The following GALNT13 variants were observed in gnomAD, a reference collection of about 807,000 sequenced individuals.
The protein encoded by GALNT13 is UDP-GalNAc:polypeptide N-acetylgalactosaminyltransferase 13.
A neutral mutation model predicts 64.2 loss-of-function variants in GALNT13; 28 were observed. That is an observed-to-expected ratio of 0.44 (90% confidence interval 0.32 to 0.60). GALNT13 has a LOEUF of 0.60. Among genes scored for constraint, GALNT13 ranks in the 20% least tolerant of loss-of-function variants. The pLI is 0.05. For missense variants in GALNT13, 577 were observed against 669.8 expected (o/e 0.86, Z 1.53); for synonymous variants, 214 against 224.6 (o/e 0.95, Z 0.42).
At chr2:153,763,987 G>A in the GALNT13 span, among the ~76,000 whole-genome samples, 1 of 152,180 alleles carries the variant, frequency 6.6e-6, no homozygotes, top group Non-Finnish European at 1.5e-5. Context: ...GAAGATGTGG[G>A]AAAGTTTGGA....
At chr2:153,682,575 T>C in the GALNT13 span, among the ~76,000 whole-genome samples, 1 of 151,772 alleles carries the variant, frequency 6.6e-6, no homozygotes, top group African/African-American at 2.4e-5. Flanking sequence ...GATAATGTAG[T>C]TCCTTGGAAA....
the GALNT13 span, among the ~76,000 whole-genome samples, chr2:153,459,950 G>C: frequency 6.6e-6 from 1 of 152,112 alleles, no homozygotes; most frequent in Non-Finnish European, 1.5e-5. Context: ...TCACAAAACA[G>C]CTGTATGAAA....
At chr2:154,012,350 T>C (rs956652262) in intron 3 of GALNT13, among the ~76,000 whole-genome samples, 3 of 152,174 alleles carry the variant, frequency 2.0e-5, no homozygotes, top group Admixed American at 2.0e-4. Context: ...GGATCTGAAA[T>C]TTTTGGTTGG....
chr2:153,826,709 A>G, the GALNT13 span, among the ~76,000 whole-genome samples: 1 of 152,140 alleles, frequency 6.6e-6, no homozygotes, highest in Non-Finnish European at 1.5e-5. Context: ...ATGTCTGGGA[A>G]AGGGTATAAT....
chr2:153,860,837 G>T, the GALNT13 span, among the ~76,000 whole-genome samples: 1 of 152,196 alleles, frequency 6.6e-6, no homozygotes, highest in African/African-American at 2.4e-5. Flanking sequence ...ATGCATGATC[G>T]TGTGTATGAT....
chr2:153,137,933 C>G, the GALNT13 span, among the ~76,000 whole-genome samples: 2 of 151,944 alleles, frequency 1.3e-5, no homozygotes, highest in Non-Finnish European at 2.9e-5. Context: ...AACCAAACCT[C>G]CTTGATTCCA....
intron 9 of GALNT13, among the ~76,000 whole-genome samples, chr2:154,313,781 A>G (rs1694185061): frequency 6.6e-6 from 1 of 152,024 alleles, no homozygotes; most frequent in South Asian, 2.1e-4. Flanking sequence ...CAGAATAAGT[A>G]CTACCTTCTA....
At chr2:153,812,477 G>A in the GALNT13 span, among the ~76,000 whole-genome samples, 1 of 152,204 alleles carries the variant, frequency 6.6e-6, no homozygotes, top group Admixed American at 6.5e-5. Context: ...AGAGTTAGAA[G>A]GATAGGAGAA....
At chr2:153,913,651 G>A (rs943123456) in intron 2 of GALNT13, among the ~76,000 whole-genome samples, 1 of 152,204 alleles carries the variant, frequency 6.6e-6, no homozygotes, top group South Asian at 2.1e-4. Flanking sequence ...GGATTCCAGA[G>A]GGCTGTGATG....
the GALNT13 span, among the ~76,000 whole-genome samples, chr2:153,186,124 T>C: frequency 6.6e-6 from 1 of 152,120 alleles, no homozygotes; most frequent in African/African-American, 2.4e-5. Flanking sequence ...AGAATTTCCT[T>C]TATGAATCTT....
At chr2:154,361,251 A>G (rs942860265) in intron 9 of GALNT13, among the ~76,000 whole-genome samples, 1 of 152,138 alleles carries the variant, frequency 6.6e-6, no homozygotes. Flanking sequence ...TGATGTATCC[A>G]TATACGGTTT....
At chr2:153,562,060 C>CTGTGTGTGTGTG in the GALNT13 span, among the ~76,000 whole-genome samples, 120 of 118,942 alleles carry the variant, frequency 1.0e-3, 1 homozygote, top group African/African-American at 2.9e-3. Flanking sequence ...CTCTCTCTCT[C>CTGTGTGTGTGTG]TGTGTGTGTG....
intron 7 of GALNT13, among the ~76,000 whole-genome samples, chr2:154,255,816 C>T (rs1467702577): frequency 6.6e-6 from 1 of 152,036 alleles, no homozygotes; most frequent in African/African-American, 2.4e-5. Context: ...CGTTGAGAGG[C>T]CAAGGTGGGC....
the GALNT13 span, among the ~76,000 whole-genome samples, chr2:153,103,237 T>G: frequency 6.6e-6 from 1 of 152,194 alleles, no homozygotes; most frequent in African/African-American, 2.4e-5. Context: ...CTTTCTGTGC[T>G]GCATCTTGTT....
At chr2:153,330,398 C>G in the GALNT13 span, among the ~76,000 whole-genome samples, 1 of 152,046 alleles carries the variant, frequency 6.6e-6, no homozygotes, top group African/African-American at 2.4e-5. Context: ...ATTAATTCTT[C>G]CAATCAAATA....
intron 3 of GALNT13, among the ~76,000 whole-genome samples, chr2:154,040,184 T>TAC (rs1377948012): frequency 7.1e-6 from 1 of 140,606 alleles, no homozygotes; most frequent in Non-Finnish European, 1.6e-5. Context: ...AGAAGAAAGA[T>TAC]ACACACACAC....
the GALNT13 span, among the ~76,000 whole-genome samples, chr2:153,134,390 C>G: frequency 6.6e-6 from 1 of 151,636 alleles, no homozygotes; most frequent in Admixed American, 6.6e-5. Flanking sequence ...CAATCTTACC[C>G]TTTGTCATTT....
the GALNT13 span, among the ~76,000 whole-genome samples, chr2:153,305,164 G>A: frequency 6.6e-6 from 1 of 152,076 alleles, no homozygotes; most frequent in Non-Finnish European, 1.5e-5. Context: ...CAGGTGCTTC[G>A]TGTATTGTGG....
chr2:153,803,382 G>T, the GALNT13 span, among the ~76,000 whole-genome samples: 1 of 152,096 alleles, frequency 6.6e-6, no homozygotes, highest in African/African-American at 2.4e-5. Flanking sequence ...TAATCCAATA[G>T]AATTGGTGGC....
Sources: allele counts gnomAD v4.1 joint callset (sites outside exome capture counted in the v4.1 genomes callset), GRCh38; gene constraint gnomAD v4.1.1; transcripts MANE v1.5; gene names NCBI Gene and HGNC (gene_info 2026-07-23, HGNC 2026-07-21).